CSMD1: variants seen among roughly 807,000 people sequenced by gnomAD.
CSMD1 encodes CUB and sushi domain-containing protein 1.
Under a neutral mutation model 417.5 loss-of-function variants are expected in CSMD1, and 213 were observed. The ratio of observed to expected loss-of-function variants is 0.51; its 90% confidence interval spans 0.46 to 0.57. The LOEUF (loss-of-function observed/expected upper bound fraction) is 0.57, where lower values mean the gene tolerates loss of function less well. Ranked by LOEUF, CSMD1 falls within the 20% of genes least tolerant of loss-of-function variation. The probability of loss-of-function intolerance (pLI) is 0.00; values close to 1 mark genes in which losing one functional copy is unlikely to be tolerated. For synonymous variants in CSMD1, 2,862 were observed against 1,736.8 expected (o/e 1.65, Z -16.11); for missense variants, 6,923 against 4,529.7 (o/e 1.53, Z -15.17).
intron 1 of CSMD1, among the ~76,000 whole-genome samples, chr8:4,705,035 C>T (rs572690900): frequency 7.7e-4 from 117 of 152,234 alleles, no homozygotes; most frequent in African/African-American, 2.8e-3. Context: ...AGTTATTTTT[C>T]CCATGCTGTT....
At chr8:3,686,911 C>A (rs902556162) in intron 7 of CSMD1, among the ~76,000 whole-genome samples, 1 of 152,146 alleles carries the variant, frequency 6.6e-6, no homozygotes, top group African/African-American at 2.4e-5. Context: ...CGTAAGAGGA[C>A]AGAGTAGAGC....
intron 3 of CSMD1, among the ~76,000 whole-genome samples, chr8:4,161,915 T>C (rs1446466723): frequency 6.6e-6 from 1 of 152,358 alleles, no homozygotes; most frequent in African/African-American, 2.4e-5. Flanking sequence ...CATCAGTTCA[T>C]ATCCCTTTCG....
chr8:3,980,638 C>A (rs554158338), intron 5 of CSMD1, among the ~76,000 whole-genome samples: 4 of 152,126 alleles, frequency 2.6e-5, no homozygotes, highest in African/African-American at 9.7e-5. Flanking sequence ...TTGCTTATGG[C>A]TTTTCTGTAT....
intron 6 of CSMD1, among the ~76,000 whole-genome samples, chr8:3,725,487 G>C (rs1021276274): frequency 6.6e-6 from 1 of 152,160 alleles, no homozygotes; most frequent in African/African-American, 2.4e-5. Flanking sequence ...TGCTGATTTT[G>C]TGGGTGATAT....
intron 5 of CSMD1, among the ~76,000 whole-genome samples, chr8:3,972,350 C>A (rs1012801619): frequency 6.6e-6 from 1 of 152,088 alleles, no homozygotes; most frequent in Non-Finnish European, 1.5e-5. Flanking sequence ...CTCAAAATAT[C>A]ATTTAATTTT....
chr8:3,491,566 G>C (rs1289198303), intron 11 of CSMD1, among the ~76,000 whole-genome samples: 1 of 152,186 alleles, frequency 6.6e-6, no homozygotes, highest in Non-Finnish European at 1.5e-5. Flanking sequence ...AGATAAGCTA[G>C]AGGGAGGTGT....
chr8:4,043,414 T>C (rs563474963), intron 3 of CSMD1, among the ~76,000 whole-genome samples: 2 of 152,312 alleles, frequency 1.3e-5, no homozygotes, highest in African/African-American at 2.4e-5. Context: ...GTAAATGACA[T>C]GAACCTCACA....
At position 3,029,312 on chromosome 8, in the gene CSMD1, C is replaced by A. The variant is rs751978840; in HGVS notation, c.7855+7G>T. On this transcript the variant is annotated splice_region_variant and intron_variant, in intron 51 of 69. Coordinates refer to ENST00000635120, the MANE Select transcript of CSMD1 (RefSeq NM_033225.6). ...TGACTTTCAGGGGTGCCTCCCTCAT[C>A]ACTTACCTCGACAGCTTGGCCTCTC... The A allele has an allele frequency of 1.1e-5, 17 of 1,597,476 alleles. No individual in the cohort carries two copies. In the African/African-American group the frequency reaches 2.1e-4, roughly 19 times the overall value.
intron 3 of CSMD1, among the ~76,000 whole-genome samples, chr8:4,237,900 A>C (rs1408956868): frequency 6.6e-6 from 1 of 152,128 alleles, no homozygotes; most frequent in Non-Finnish European, 1.5e-5. Flanking sequence ...AGTCTATCTA[A>C]ATAATAAAAT....
intron 27 of CSMD1, among the ~76,000 whole-genome samples, chr8:3,224,385 G>A (rs1301264311): frequency 1.3e-5 from 2 of 152,158 alleles, no homozygotes; most frequent in East Asian, 1.9e-4. Context: ...TATCCCAAAC[G>A]TCTAGGCGGT....
At chr8:4,648,954 T>G (rs1486613288) in intron 1 of CSMD1, among the ~76,000 whole-genome samples, 1 of 152,246 alleles carries the variant, frequency 6.6e-6, no homozygotes, top group African/African-American at 2.4e-5. Context: ...TCCTTAGTAC[T>G]GACACCTAGT....
At chr8:3,774,236 T>A (rs1171782961) in intron 5 of CSMD1, among the ~76,000 whole-genome samples, 1 of 152,186 alleles carries the variant, frequency 6.6e-6, no homozygotes, top group Admixed American at 6.5e-5. Flanking sequence ...TTGGCTCAAA[T>A]GCCACTTGCT....
At chr8:3,332,456 A>G (rs1057131250) in intron 23 of CSMD1, among the ~76,000 whole-genome samples, 2 of 152,248 alleles carry the variant, frequency 1.3e-5, no homozygotes, top group African/African-American at 2.4e-5. Flanking sequence ...CCGGAGCTGC[A>G]GTGAGGCTGA....
chr8:4,877,333 G>A (rs1200416596), intron 1 of CSMD1, among the ~76,000 whole-genome samples: 7 of 151,854 alleles, frequency 4.6e-5, no homozygotes, highest in African/African-American at 1.5e-4. Flanking sequence ...ATTAATCAGG[G>A]TTAAGATAAA....
intron 23 of CSMD1, among the ~76,000 whole-genome samples, chr8:3,326,538 T>C (rs1401908527): frequency 1.3e-5 from 2 of 152,224 alleles, no homozygotes; most frequent in Non-Finnish European, 2.9e-5. Flanking sequence ...CCTTATGTTT[T>C]ACAGTTGTTA....
At position 4,297,185 on chromosome 8, in the gene CSMD1, A is replaced by G. The variant is rs185711778; in HGVS notation, c.415+122768T>C. Among the ~76,000 whole-genome samples the G allele has an allele frequency of 5.9e-5, 9 of 152,268 alleles. No individual in the cohort carries two copies. The East Asian group carries it at 1.7e-3, about 29-fold the overall frequency. ...AGTCATGAATATACTTTTACAATCT[A>G]GAAATGTATTTTTTTAAATCCCTGG... On this transcript the variant is annotated intron_variant, in intron 3 of 69. Transcript: ENST00000635120.
intron 5 of CSMD1, among the ~76,000 whole-genome samples, chr8:3,772,310 G>T (rs375912748): frequency 0.02 from 896 of 45,276 alleles, 111 homozygotes; most frequent in African/African-American, 0.085. Context: ...CATATATTTA[G>T]ACATACATAT....
At chr8:4,366,105 G>A (rs1004026600) in intron 3 of CSMD1, among the ~76,000 whole-genome samples, 7 of 151,932 alleles carry the variant, frequency 4.6e-5, no homozygotes, top group African/African-American at 7.3e-5. Context: ...GGTAGTACCC[G>A]GCACCTGTTG....
intron 26 of CSMD1, among the ~76,000 whole-genome samples, chr8:3,253,230 C>T (rs1274279591): frequency 6.6e-6 from 1 of 151,876 alleles, no homozygotes; most frequent in East Asian, 1.9e-4. Context: ...TATGTTGTGT[C>T]TTTGCTCTCG....
Sources: allele counts gnomAD v4.1 joint callset (sites outside exome capture counted in the v4.1 genomes callset), GRCh38; gene constraint gnomAD v4.1.1; transcripts MANE v1.5; gene names NCBI Gene and HGNC (gene_info 2026-07-23, HGNC 2026-07-21).